Variants in ZNF268 observed in about 807,000 individuals in gnomAD.
ZNF268 encodes the protein zinc finger protein 268.
A neutral mutation model predicts 29.3 loss-of-function variants in ZNF268; 20 were observed. The observed-to-expected ratio is 0.68, with a 90% confidence interval of 0.48 to 0.99. The LOEUF is 0.99. Among genes scored for constraint, ZNF268 ranks in the 50% least tolerant of loss-of-function variants. The probability of loss-of-function intolerance (pLI) is 0.00; values close to 1 mark genes in which losing one functional copy is unlikely to be tolerated. For missense variants in ZNF268, 1,240 were observed against 1,121.6 expected, an observed-to-expected ratio of 1.11 and a Z score of -1.51; for synonymous variants, 429 against 376.9, an observed-to-expected ratio of 1.14 and a Z score of -1.60.
At chr12:133,192,040 G>C in intron 5 of ZNF268, 37 bp downstream of exon 5, 1 of 1,515,076 alleles carries the variant, frequency 6.6e-7, no homozygotes, top group Non-Finnish European at 9.1e-7. Flanking sequence ...TCTTTATTTA[G>C]AATTAGCATG....
chr12:133,181,814 T>A, intron 1 of ZNF268, 128 bp downstream of exon 1: 1 of 642,038 alleles, frequency 1.6e-6, no homozygotes, highest in Non-Finnish European at 2.8e-6. Flanking sequence ...GTGGAGATGG[T>A]GAATCCCGTG....
Position 133,203,311 on chromosome 12 carries a change from A to G in ZNF268, c.1625A>G (p.Gln542Arg), listed in dbSNP as rs1167489988. 1.3e-6 allele frequency: 2 copies of G among 1,542,762 alleles called. No individual in the cohort carries two copies. Among genetic ancestry groups the G allele is most frequent in the East Asian group, 4.9e-5 (2 of 41,062 alleles). The change falls in exon 6 of 6, where the codon CAG (glutamine) becomes CGG (arginine). Residue 542 changes from glutamine to arginine, a missense_variant. Coordinates refer to ENST00000536435, the MANE Select transcript of ZNF268 (RefSeq NM_003415.3). ...GGGAAAGCCTTCAGTTTTAAATCAC[A>G]GCTCATTATACATCAGAGGATTCAT... ...NCGKAFSFKS[Q>R]LIIHQRIHTG... is the part of the protein sequence containing the mutation.
Position 133,183,405 on chromosome 12 carries a change from C to G in ZNF268, c.33+1375C>G, listed in dbSNP as rs370975684. 6.9e-4 allele frequency among the ~76,000 whole-genome samples: 105 copies of G among 151,298 alleles called. 1 individual carries two copies. Among genetic ancestry groups the G allele is most frequent in the African/African-American group, 2.4e-3 (97 of 41,152 alleles). Reference sequence around the variant, plus strand: ...ATCCCTGTTACTCGGGAGGCTGAGACAGGAGAATCGCTTGAACCCAGGAGG... The same window carrying G: ...ATCCCTGTTACTCGGGAGGCTGAGAGAGGAGAATCGCTTGAACCCAGGAGG... On this transcript the variant is annotated intron_variant, in intron 2 of 5. Coordinates refer to ENST00000536435, the MANE Select transcript of ZNF268 (RefSeq NM_003415.3).
intron 5 of ZNF268, among the ~76,000 whole-genome samples, chr12:133,195,565 G>A (rs1464949908): frequency 6.6e-6 from 1 of 152,068 alleles, no homozygotes; most frequent in Admixed American, 6.6e-5. Context: ...AAATTAGGTG[G>A]TCATGATGAC....
At chr12:133,195,688 C>T (rs1458996168) in intron 5 of ZNF268, among the ~76,000 whole-genome samples, 1 of 152,024 alleles carries the variant, frequency 6.6e-6, no homozygotes, top group African/African-American at 2.4e-5. Context: ...ATCTGGGTGA[C>T]AGAGAGGGAT....
chr12:133,211,372 C>T lies in ZNF268; in HGVS notation c.*6842C>T, dbSNP rs146121595. The T allele has an allele frequency of 0.022, 6,409 of 291,410 alleles. 103 individuals are homozygous for T. Among genetic ancestry groups the T allele is most frequent in the Non-Finnish European group, 0.031 (4,570 of 148,250 alleles). 18.1% of individuals were successfully genotyped at this position (291,410 alleles called of 1,614,324 possible). On this transcript the variant is annotated 3_prime_UTR_variant, in exon 6 of 6. Coordinates refer to ENST00000536435, the MANE Select transcript of ZNF268 (RefSeq NM_003415.3). Reference sequence around the variant, plus strand: ...CGAGGCGGGCAGATCACCTGAGGTCCGGAGTTCGAGACCAGCCTGACCAAC... The same window carrying T: ...CGAGGCGGGCAGATCACCTGAGGTCTGGAGTTCGAGACCAGCCTGACCAAC...
In ZNF268 at chr12:133,211,017, C is replaced by T. The variant is rs1021095577; in HGVS notation, c.*6487C>T. The T allele has an allele frequency of 2.6e-5, 12 of 455,676 alleles. No homozygotes were observed. Among genetic ancestry groups the T allele is most frequent in the Admixed American group, 1.4e-4 (6 of 42,528 alleles). 28.2% of individuals were successfully genotyped at this position (455,676 alleles called of 1,614,324 possible). A position where few individuals can be genotyped will look rare whatever the true frequency, so the allele number is the denominator to read the frequency against. On this transcript the variant is annotated 3_prime_UTR_variant, in exon 6 of 6. Coordinates refer to ENST00000536435, the MANE Select transcript of ZNF268 (RefSeq NM_003415.3). ...TTTTCCATGCCATAATTTTGGAAAA[C>T]GAAACTGAAATAGAGTCCATCATTC...
In ZNF268 at chr12:133,204,463, G is replaced by A. The variant is rs1314556503; in HGVS notation, c.2777G>A (p.Gly926Glu). Residue 926 changes from glycine to glutamate, a missense_variant, in exon 6 of 6, where the codon GGG (glycine) becomes GAG (glutamate). Physicochemically the swap from Gly to Glu is moderately conservative, Grantham distance 98 (BLOSUM62 -2). Around this residue, in one of 3 missense-constraint regions of ZNF268, gnomAD observed 1,177 missense variants for 1,039.6 expected, o/e 1.13. Coordinates refer to ENST00000536435, the MANE Select transcript of ZNF268 (RefSeq NM_003415.3). ...AAGCCTTGTAAGTGCACTGAATGTG[G>A]GAAAGCCTTTTGTTGGAAGTCACAG... ...GEKPCKCTECGKAFCWKSQLI... is the reference protein window; with the variant it reads ...GEKPCKCTECEKAFCWKSQLI... 1 of 1,553,576 alleles carries A rather than the reference G, an allele frequency of 6.4e-7. No homozygotes were observed. The highest frequency in any genetic ancestry group is 8.7e-7 in the Non-Finnish European group (1 of 1,155,302).
Position 133,203,916 on chromosome 12 carries a change from A to G in ZNF268, c.2230A>G (p.Arg744Gly). Residue 744 changes from arginine to glycine, a missense_variant, in exon 6 of 6, where the codon AGA (arginine) becomes GGA (glycine). By Grantham distance (125) the Arg-to-Gly change is moderately radical (BLOSUM62 -2). Coordinates refer to ENST00000536435, the MANE Select transcript of ZNF268 (RefSeq NM_003415.3). ...SFNSQLIVHQ[R>G]IHTGENPYEC... ...CAATTCACAACTCATTGTGCATCAG[A>G]GAATTCACACAGGAGAAAATCCCTA... 4.4e-6 allele frequency: 7 copies of G among 1,587,960 alleles called. No homozygotes were observed. Among genetic ancestry groups the G allele is most frequent in the Non-Finnish European group, 6.0e-6 (7 of 1,169,428 alleles).
intron 5 of ZNF268, among the ~76,000 whole-genome samples, chr12:133,193,054 C>G (rs535622346): frequency 1.2e-4 from 18 of 152,206 alleles, no homozygotes; most frequent in African/African-American, 4.3e-4. Flanking sequence ...CCTGTTGATC[C>G]TGCTCTTCTG....
intron 2 of ZNF268, among the ~76,000 whole-genome samples, chr12:133,186,152 C>T (rs1213895842): frequency 1.3e-5 from 2 of 152,110 alleles, no homozygotes; most frequent in Non-Finnish European, 1.5e-5. Flanking sequence ...GACCAGGTGG[C>T]ACCCCTGGTC....
chr12:133,193,539 G>T, intron 5 of ZNF268: 1 of 678,842 alleles, frequency 1.5e-6, no homozygotes, highest in African/African-American at 1.8e-5. Context: ...TGGAGGTGAG[G>T]AACACTGTGG....
chr12:133,191,950 AAGG>A lies in ZNF268; in HGVS notation c.407_409del (p.Gly136del). 6.2e-7 allele frequency: 1 copy of A among 1,614,166 alleles called. No homozygotes were observed. The highest frequency in any genetic ancestry group is 1.1e-5 in the South Asian group (1 of 91,086). Reference sequence around the variant, plus strand: ...CCTGATATCATCTTCAAGTTGGAACAAGGAGAAGAGCTGTGTATGGTGCAGGCC... The same window carrying A: ...CCTGATATCATCTTCAAGTTGGAACAAGAAGAGCTGTGTATGGTGCAGGCC... On this transcript the variant is annotated inframe_deletion, in exon 5 of 6. Transcript: ENST00000536435.
At chr12:133,198,046 C>T (rs1956654929) in intron 5 of ZNF268, among the ~76,000 whole-genome samples, 1 of 151,834 alleles carries the variant, frequency 6.6e-6, no homozygotes, top group Admixed American at 6.6e-5. Flanking sequence ...TAATTAGATC[C>T]CATTTGTCAA....
Position 133,199,922 on chromosome 12 carries a change from CT to C in ZNF268, c.458-2217del, listed in dbSNP as rs201187796. ...TTTATTGCGTCTATTTTATTCTTCTCTTTTTATTAGTCTTGCTAGCGGTCTA... is the reference window on the plus strand; with the variant it reads ...TTTATTGCGTCTATTTTATTCTTCTCTTTTATTAGTCTTGCTAGCGGTCTA... On this transcript the variant is annotated intron_variant, in intron 5 of 5. Transcript: ENST00000536435. Among the ~76,000 whole-genome samples the C allele has an allele frequency of 6.9e-3, 1,042 of 151,676 alleles. 11 individuals are homozygous for C. The highest frequency in any genetic ancestry group is 0.052 in the East Asian group (269 of 5,156).
In ZNF268 at chr12:133,209,513, T is replaced by C. The variant is rs1041189445; in HGVS notation, c.*4983T>C. 6.6e-6 allele frequency: 1 copy of C among 152,220 alleles called. No individual in the cohort carries two copies. The highest frequency in any genetic ancestry group is 1.5e-5 in the Non-Finnish European group (1 of 68,050). The allele number at this position is 152,220 out of a possible 1,614,324, so 9.4% of individuals were successfully genotyped here. On this transcript the variant is annotated 3_prime_UTR_variant, in exon 6 of 6. Coordinates refer to ENST00000536435, the MANE Select transcript of ZNF268 (RefSeq NM_003415.3). ...CTTTAATTTTCAACATTGTTTCAAC[T>C]ACTTGTTAGAAACACAGGCCATTAA...
At position 133,204,779 on chromosome 12, in the gene ZNF268, C is replaced by T; in HGVS notation, c.*249C>T. On this transcript the variant is annotated 3_prime_UTR_variant, in exon 6 of 6. Transcript: ENST00000536435. ...GAAAATTTTTAGCAGCAAGTCATAC[C>T]TTTTTTTAAAAAGTTCATACAGGTG... The T allele has an allele frequency of 2.6e-6, 1 of 389,432 alleles. No homozygotes were observed. Among genetic ancestry groups the T allele is most frequent in the Non-Finnish European group, 4.6e-6 (1 of 218,534 alleles). 24.1% of individuals were successfully genotyped at this position (389,432 alleles called of 1,614,324 possible).
chr12:133,200,695 C>T (rs1956732637), intron 5 of ZNF268, among the ~76,000 whole-genome samples: 1 of 152,126 alleles, frequency 6.6e-6, no homozygotes, highest in South Asian at 2.1e-4. Context: ...CTATCTTTCC[C>T]TTTTTGTTTT....
chr12:133,189,174 TTTG>T (rs1956399595), intron 3 of ZNF268, among the ~76,000 whole-genome samples: 1 of 152,004 alleles, frequency 6.6e-6, no homozygotes, highest in African/African-American at 2.4e-5. Context: ...TTCTTTCTGT[TTTG>T]TTGTTGCTGT....
Sources: allele counts gnomAD v4.1 joint callset (sites outside exome capture counted in the v4.1 genomes callset), GRCh38; gene constraint gnomAD v4.1.1; regional missense constraint gnomAD v4.1.1; transcripts MANE v1.5; gene names NCBI Gene and HGNC (gene_info 2026-07-23, HGNC 2026-07-21).